ASPH: variants seen among roughly 807,000 people sequenced by gnomAD.
ASPH encodes the protein aspartyl/asparaginyl beta-hydroxylase.
A neutral mutation model predicts 118.4 loss-of-function variants in ASPH; 100 were observed. The observed-to-expected ratio is 0.84, with a 90% confidence interval of 0.72 to 1.00. The LOEUF (loss-of-function observed/expected upper bound fraction) is 1.00. ASPH is among the 50% of genes least tolerant of loss of function. ASPH has a pLI of 0.00. For missense variants in ASPH, 920 were observed against 919.5 expected, an observed-to-expected ratio of 1.00 and a Z score of -0.01; for synonymous variants, 315 against 325.6, an observed-to-expected ratio of 0.97 and a Z score of 0.35.
At chr8:61,663,435 A>C (rs1817937111) in intron 3 of ASPH, 1 of 985,318 alleles carries the variant, frequency 1.0e-6, no homozygotes, top group African/African-American at 1.7e-5. Context: ...GCTGAGGGCC[A>C]TCTTGGTTAT....
intron 21 of ASPH, among the ~76,000 whole-genome samples, chr8:61,539,699 G>GGGGGTGTGTGTGTGT (rs1554618405): frequency 1.7e-4 from 21 of 124,214 alleles, no homozygotes; most frequent in Non-Finnish European, 3.7e-4. Context: ...ACACTTCTGG[G>GGGGGTGTGTGTGTGT]GTGTGTGTGT....
chr8:61,598,128 T>C (rs575554117), intron 14 of ASPH, among the ~76,000 whole-genome samples: 1 of 152,318 alleles, frequency 6.6e-6, no homozygotes, highest in Non-Finnish European at 1.5e-5. Flanking sequence ...AGTCCTCACC[T>C]ATCAATAGTA....
At chr8:61,546,936 C>A (rs1469543783) in intron 21 of ASPH, among the ~76,000 whole-genome samples, 2 of 152,216 alleles carry the variant, frequency 1.3e-5, no homozygotes, top group Non-Finnish European at 2.9e-5. Context: ...TCCTCTTCAT[C>A]CCTGCTTCTT....
chr8:61,648,139 G>A (rs1365892052), intron 5 of ASPH, among the ~76,000 whole-genome samples: 1 of 152,150 alleles, frequency 6.6e-6, no homozygotes, highest in African/African-American at 2.4e-5. Flanking sequence ...CCCATAAAAT[G>A]GGAATAATAT....
At chr8:61,668,767 A>G (rs996966561) in intron 3 of ASPH, among the ~76,000 whole-genome samples, 26 of 152,238 alleles carry the variant, frequency 1.7e-4, no homozygotes, top group Non-Finnish European at 5.9e-5. Flanking sequence ...CTTTTAAAAA[A>G]TTATACAAGC....
At chr8:61,642,957 T>G in intron 9 of ASPH, 37 bp from the exon 10 acceptor site, 1 of 1,516,104 alleles carries the variant, frequency 6.6e-7, no homozygotes, top group Non-Finnish European at 8.9e-7. Context: ...AAATAAGTAT[T>G]AACTGAGTCA....
At chr8:61,670,193 C>T (rs1821713567) in intron 3 of ASPH, among the ~76,000 whole-genome samples, 1 of 150,824 alleles carries the variant, frequency 6.6e-6, no homozygotes, top group African/African-American at 2.4e-5. Context: ...AACAAGAGTC[C>T]CTAAGTAACA....
chr8:61,549,917 G>A (rs1825280635), intron 20 of ASPH, among the ~76,000 whole-genome samples: 3 of 152,034 alleles, frequency 2.0e-5, no homozygotes, highest in African/African-American at 4.8e-5. Flanking sequence ...TTTTAGTTCC[G>A]GCCTTTAATT....
chr8:61,567,681 C>T (rs768582326), intron 16 of ASPH, among the ~76,000 whole-genome samples: 1 of 152,158 alleles, frequency 6.6e-6, no homozygotes, highest in Non-Finnish European at 1.5e-5. Flanking sequence ...GTTCATTTAA[C>T]AACTGTTTTC....
chr8:61,707,860 A>ATG (rs974698413), intron 1 of ASPH, among the ~76,000 whole-genome samples: 15 of 152,014 alleles, frequency 9.9e-5, no homozygotes, highest in East Asian at 3.9e-4. Flanking sequence ...ATATACATAT[A>ATG]TGTGTGTGTG....
At chr8:61,684,366 GT>G in intron 1 of ASPH, 178 bp from the exon 2 acceptor site, 2 of 678,168 alleles carry the variant, frequency 2.9e-6, no homozygotes, top group Non-Finnish European at 2.3e-6. Context: ...AGAAAAGATT[GT>G]TTAGATGCAA....
chr8:61,559,835 G>C (rs1468270621), intron 18 of ASPH, among the ~76,000 whole-genome samples: 1 of 152,024 alleles, frequency 6.6e-6, no homozygotes, highest in Non-Finnish European at 1.5e-5. Context: ...GTCTGGAAGG[G>C]CCGCCATCAA....
intron 21 of ASPH, among the ~76,000 whole-genome samples, chr8:61,538,147 C>A (rs1275057398): frequency 6.6e-6 from 1 of 152,036 alleles, no homozygotes; most frequent in Admixed American, 6.6e-5. Context: ...CAAAAAACAA[C>A]AAAAAAACAG....
chr8:61,526,453 A>G (rs1815379557), intron 21 of ASPH, among the ~76,000 whole-genome samples: 1 of 152,216 alleles, frequency 6.6e-6, no homozygotes, highest in South Asian at 2.1e-4. Flanking sequence ...ACATCAGTAC[A>G]CTGTAATAAC....
At chr8:61,546,452 T>G (rs536389317) in intron 21 of ASPH, among the ~76,000 whole-genome samples, 14 of 152,220 alleles carry the variant, frequency 9.2e-5, no homozygotes, top group African/African-American at 3.1e-4. Flanking sequence ...GGGTGAAATT[T>G]GACAAAAACA....
chr8:61,556,051 C>T (rs1304241865), intron 18 of ASPH, 29 bp from the exon 19 acceptor site: 1 of 1,595,724 alleles, frequency 6.3e-7, no homozygotes, highest in Non-Finnish European at 8.6e-7. Flanking sequence ...CAGAACATAA[C>T]TCAAAGAAAA....
At chr8:61,570,962 C>T (rs1056884588) in intron 16 of ASPH, among the ~76,000 whole-genome samples, 1 of 152,150 alleles carries the variant, frequency 6.6e-6, no homozygotes, top group Non-Finnish European at 1.5e-5. Flanking sequence ...AAGACAATAT[C>T]AGTGCTACTT....
At chr8:61,551,940 A>G (rs564285484) in intron 20 of ASPH, among the ~76,000 whole-genome samples, 44 of 152,342 alleles carry the variant, frequency 2.9e-4, no homozygotes, top group African/African-American at 8.2e-4. Context: ...ACAGATAAAT[A>G]GACATGTATA....
chr8:61,660,357 AT>A (rs1816198812), intron 3 of ASPH: 1 of 152,226 alleles, frequency 6.6e-6, no homozygotes, highest in Admixed American at 6.5e-5. Context: ...CTTTCAGTGC[AT>A]CAATTCCTCC....
Sources: allele counts gnomAD v4.1 joint callset (sites outside exome capture counted in the v4.1 genomes callset), GRCh38; gene constraint gnomAD v4.1.1; transcripts MANE v1.5; gene names NCBI Gene and HGNC (gene_info 2026-07-23, HGNC 2026-07-21).